The following ZNF599 variants were observed in gnomAD, a reference collection of about 807,000 sequenced individuals.
The protein encoded by ZNF599 is zinc finger protein 599.
ZNF599 carries 10 observed loss-of-function variants against 11.7 expected under a neutral mutation model. The observed-to-expected ratio is 0.86, with a 90% confidence interval of 0.53 to 1.45. ZNF599 has a LOEUF of 1.45. Among genes scored for constraint, ZNF599 ranks in the 40% most tolerant of loss-of-function variants. ZNF599 has a pLI of 0.00. For missense variants in ZNF599, 688 were observed against 713.6 expected, an observed-to-expected ratio of 0.96 and a Z score of 0.41; for synonymous variants, 232 against 253.2, an observed-to-expected ratio of 0.92 and a Z score of 0.79.
chr19:34,782,911 C>G, the ZNF599 span, among the ~76,000 whole-genome samples: 1 of 152,200 alleles, frequency 6.6e-6, no homozygotes, highest in African/African-American at 2.4e-5. Flanking sequence ...TGTCTTCTCT[C>G]CTCAGGACCT....
At chr19:34,785,798 C>T in the ZNF599 span, among the ~76,000 whole-genome samples, 62,691 of 151,868 alleles carry the variant, frequency 0.41, 13,279 homozygotes, top group Non-Finnish European at 0.45. Flanking sequence ...GGGGTGTGCC[C>T]TTGTCAGTAA....
At chr19:34,784,748 A>C in the ZNF599 span, among the ~76,000 whole-genome samples, 1 of 151,704 alleles carries the variant, frequency 6.6e-6, no homozygotes. Flanking sequence ...TCCATCTCGA[A>C]TCGATACCCC....
the ZNF599 span, among the ~76,000 whole-genome samples, chr19:34,787,153 A>G: frequency 1.3e-5 from 2 of 152,142 alleles, no homozygotes; most frequent in Non-Finnish European, 2.9e-5. Flanking sequence ...CCTCATGGGA[A>G]GTAATAGAGC....
the ZNF599 span, among the ~76,000 whole-genome samples, chr19:34,781,832 T>G: frequency 6.6e-6 from 1 of 152,114 alleles, no homozygotes; most frequent in Non-Finnish European, 1.5e-5. Context: ...GAAATGCACA[T>G]CTCACAACCC....
the ZNF599 span, among the ~76,000 whole-genome samples, chr19:34,795,394 C>T: frequency 6.6e-6 from 1 of 152,162 alleles, no homozygotes; most frequent in African/African-American, 2.4e-5. Context: ...CCTGCCTCAG[C>T]CTTCCAAGTA....
chr19:34,794,050 G>T, the ZNF599 span, among the ~76,000 whole-genome samples: 1 of 152,200 alleles, frequency 6.6e-6, no homozygotes, highest in Non-Finnish European at 1.5e-5. Flanking sequence ...GCAAGGAGGG[G>T]AAAGTCACAT....
upstream of ZNF599, among the ~76,000 whole-genome samples, chr19:34,777,395 A>ATATAT (rs1568496997): frequency 1.8e-4 from 16 of 86,786 alleles, no homozygotes; most frequent in East Asian, 1.4e-3. Context: ...TTAATATATA[A>ATATAT]TATATATTAT....
the ZNF599 span, among the ~76,000 whole-genome samples, chr19:34,782,445 C>T: frequency 0.74 from 112,628 of 152,200 alleles, 42,163 homozygotes; most frequent in Middle Eastern, 0.83. Context: ...AGAATCTGCA[C>T]CCAGAATTGC....
rs1568492300 is a variant in ZNF599, at chr19:34,760,162, G to A, written c.639C>T (p.Ala213=). The change falls in exon 4 of 4, where the codon GCC becomes GCT. Residue 213 remains alanine, a synonymous_variant. Transcript: ENST00000329285. ...CATGAATCTGTTGATGCCGAACAAG[G>A]GCCCACTTCTTGCTAAACCCTTTCC... The part of the protein sequence containing the change: ...ECGKGFSKKW[A]LVRHQQIHAG... The A allele has an allele frequency of 9.9e-6, 16 of 1,614,078 alleles. No individual in the cohort carries two copies. Among genetic ancestry groups the A allele is most frequent in the Non-Finnish European group, 1.4e-5 (16 of 1,180,010 alleles).
the ZNF599 span, among the ~76,000 whole-genome samples, chr19:34,786,753 G>C: frequency 6.6e-6 from 1 of 152,076 alleles, no homozygotes. Context: ...CTAGATTTCT[G>C]TGGCCACCCA....
At chr19:34,799,932 A>G in the ZNF599 span, among the ~76,000 whole-genome samples, 1 of 152,216 alleles carries the variant, frequency 6.6e-6, no homozygotes, top group African/African-American at 2.4e-5. Context: ...CACTCTACAT[A>G]CTTGTCAGCA....
At chr19:34,772,560 G>A in intron 1 of ZNF599, 1 of 1,342,148 alleles carries the variant, frequency 7.5e-7, no homozygotes. Flanking sequence ...TAGACCCGAG[G>A]GAATGGAGGC....
intron 1 of ZNF599, 70 bp downstream of exon 1, chr19:34,772,754 C>T (rs1394675944): frequency 2.0e-6 from 3 of 1,533,314 alleles, no homozygotes; most frequent in Non-Finnish European, 2.6e-6. Flanking sequence ...CGGCATCCGC[C>T]GTATTACAGC....
the ZNF599 span, among the ~76,000 whole-genome samples, chr19:34,807,291 G>A: frequency 2.0e-5 from 3 of 152,214 alleles, no homozygotes; most frequent in East Asian, 5.8e-4. Context: ...GAGTCCGGCG[G>A]GTGAGGGCCC....
chr19:34,784,728 A>G, the ZNF599 span, among the ~76,000 whole-genome samples: 1 of 151,904 alleles, frequency 6.6e-6, no homozygotes, highest in Non-Finnish European at 1.5e-5. Flanking sequence ...ATTCTGGCTA[A>G]GCCTCAACAT....
chr19:34,772,675 G>A (rs1004948374), intron 1 of ZNF599, 149 bp downstream of exon 1: 3 of 1,469,260 alleles, frequency 2.0e-6, no homozygotes, highest in South Asian at 1.3e-5. Context: ...GATTAGCCCT[G>A]CCCTCTCACC....
the ZNF599 span, among the ~76,000 whole-genome samples, chr19:34,800,764 T>G: frequency 2.0e-5 from 3 of 151,606 alleles, no homozygotes; most frequent in African/African-American, 7.3e-5. Context: ...CCCTACTAAT[T>G]TTGTGCTTTT....
chr19:34,783,973 T>C, the ZNF599 span, among the ~76,000 whole-genome samples: 7 of 152,150 alleles, frequency 4.6e-5, no homozygotes, highest in African/African-American at 1.7e-4. Flanking sequence ...ATGCAAAGAG[T>C]GCTTGGCAAA....
chr19:34,782,390 C>T, the ZNF599 span, among the ~76,000 whole-genome samples: 1 of 152,252 alleles, frequency 6.6e-6, no homozygotes, highest in African/African-American at 2.4e-5. Context: ...GCCTGTAATT[C>T]CTGGCACAGC....
Sources: gnomAD v4.1 joint callset for allele counts (sites outside exome capture counted in the v4.1 genomes callset) on GRCh38, gnomAD v4.1.1 for gene constraint, MANE v1.5 for transcripts, NCBI Gene and HGNC (gene_info 2026-07-23, HGNC 2026-07-21) for gene names.